Variants in RALYL observed in about 807,000 individuals in gnomAD.
The protein encoded by RALYL is RALY RNA binding protein like.
Under a neutral mutation model 35.1 loss-of-function variants are expected in RALYL, and 29 were observed. That is an observed-to-expected ratio of 0.83 (90% CI 0.61 to 1.13). The LOEUF (loss-of-function observed/expected upper bound fraction) is 1.13. Among genes scored for constraint, RALYL ranks in the 50% most tolerant of loss-of-function variants. The pLI is 0.00. For missense variants in RALYL, 359 were observed against 360.4 expected (o/e 1.00, Z 0.03); for synonymous variants, 120 against 127.6 (o/e 0.94, Z 0.40).
At chr8:84,217,854 T>C (rs1821197879) in intron 1 of RALYL, among the ~76,000 whole-genome samples, 1 of 152,144 alleles carries the variant, frequency 6.6e-6, no homozygotes, top group African/African-American at 2.4e-5. Context: ...CTAGTTCTCC[T>C]CATTGACCCA....
chr8:84,599,329 T>G (rs1352333612), intron 2 of RALYL, among the ~76,000 whole-genome samples: 1 of 152,010 alleles, frequency 6.6e-6, no homozygotes, highest in Non-Finnish European at 1.5e-5. Context: ...ATAGTTAAAT[T>G]TAGCATTAAT....
intron 2 of RALYL, among the ~76,000 whole-genome samples, chr8:84,553,667 A>T (rs1265823184): frequency 6.6e-6 from 1 of 152,164 alleles, no homozygotes; most frequent in Non-Finnish European, 1.5e-5. Context: ...ATATCTATTA[A>T]ATTATTTTGT....
chr8:84,731,543 T>C (rs1447067138), intron 2 of RALYL, among the ~76,000 whole-genome samples: 1 of 152,154 alleles, frequency 6.6e-6, no homozygotes, highest in Non-Finnish European at 1.5e-5. Context: ...TCTTAAATTG[T>C]TCTATAATCC....
At chr8:84,388,153 C>G (rs1271609236) in intron 1 of RALYL, among the ~76,000 whole-genome samples, 1 of 152,028 alleles carries the variant, frequency 6.6e-6, no homozygotes, top group African/African-American at 2.4e-5. Context: ...TCATCCATGT[C>G]CCTACAAAGG....
intron 3 of RALYL, among the ~76,000 whole-genome samples, chr8:84,790,453 C>G (rs1820512372): frequency 6.6e-6 from 1 of 152,154 alleles, no homozygotes; most frequent in Non-Finnish European, 1.5e-5. Flanking sequence ...CTTCTATGAA[C>G]AGAGTTTGCC....
chr8:84,590,665 C>G (rs572995393), intron 2 of RALYL, among the ~76,000 whole-genome samples: 2 of 152,276 alleles, frequency 1.3e-5, no homozygotes, highest in African/African-American at 4.8e-5. Flanking sequence ...ATGTTAACAA[C>G]CAGAGCTATC....
At chr8:84,252,441 G>A (rs1830375105) in intron 1 of RALYL, among the ~76,000 whole-genome samples, 1 of 152,082 alleles carries the variant, frequency 6.6e-6, no homozygotes, top group Non-Finnish European at 1.5e-5. Context: ...CACGGTACAA[G>A]CTGGAAATGT....
At chr8:84,646,575 T>C (rs761419039) in intron 2 of RALYL, among the ~76,000 whole-genome samples, 12 of 152,084 alleles carry the variant, frequency 7.9e-5, no homozygotes, top group Non-Finnish European at 1.6e-4. Flanking sequence ...GTGGATGTGG[T>C]CTGATTTTTT....
intron 1 of RALYL, among the ~76,000 whole-genome samples, chr8:84,236,504 C>T (rs1270867244): frequency 1.3e-5 from 2 of 152,082 alleles, no homozygotes; most frequent in Non-Finnish European, 2.9e-5. Context: ...ATATGATAGG[C>T]ACCTTTTTTA....
At chr8:84,390,679 A>G (rs144298411) in intron 1 of RALYL, among the ~76,000 whole-genome samples, 4,292 of 151,990 alleles carry the variant, frequency 0.028, 194 homozygotes, top group African/African-American at 0.097. Context: ...CTGTGGGATC[A>G]GTGGTGATAT....
chr8:84,428,778 A>T (rs1046247460), intron 1 of RALYL, among the ~76,000 whole-genome samples: 10 of 152,126 alleles, frequency 6.6e-5, no homozygotes, highest in African/African-American at 2.4e-4. Context: ...TGTATAGTAT[A>T]ATTACCATGG....
intron 1 of RALYL, among the ~76,000 whole-genome samples, chr8:84,288,562 CT>C (rs1286720564): frequency 6.6e-6 from 1 of 152,016 alleles, no homozygotes; most frequent in Admixed American, 6.6e-5. Context: ...TTAGTTGCAT[CT>C]TTTTTCTGCA....
At chr8:84,431,795 T>C (rs1336611787) in intron 1 of RALYL, among the ~76,000 whole-genome samples, 1 of 152,166 alleles carries the variant, frequency 6.6e-6, no homozygotes, top group African/African-American at 2.4e-5. Flanking sequence ...CATCCATTTA[T>C]GGACTTTTAA....
intron 1 of RALYL, among the ~76,000 whole-genome samples, chr8:84,439,775 C>G (rs2048138309): frequency 6.6e-6 from 1 of 151,904 alleles, no homozygotes; most frequent in Admixed American, 6.6e-5. Context: ...CTGTCAGATT[C>G]TTATGGTCAC....
chr8:84,342,553 A>C (rs1046407293), intron 1 of RALYL, among the ~76,000 whole-genome samples: 1 of 151,800 alleles, frequency 6.6e-6, no homozygotes, highest in Admixed American at 6.6e-5. Context: ...GTTTCTTTCC[A>C]AATGATGATG....
At chr8:84,605,509 G>T (rs1816914137) in intron 2 of RALYL, among the ~76,000 whole-genome samples, 1 of 152,068 alleles carries the variant, frequency 6.6e-6, no homozygotes, top group Non-Finnish European at 1.5e-5. Context: ...ATCAGCCGAT[G>T]ATTTGAGGAG....
At chr8:84,803,067 C>T (rs1444853161) in intron 3 of RALYL, among the ~76,000 whole-genome samples, 8 of 152,058 alleles carry the variant, frequency 5.3e-5, no homozygotes, top group Admixed American at 1.3e-4. Context: ...GCAAGGGGGA[C>T]GATGTAGTGT....
At chr8:84,316,026 A>G (rs887608054) in intron 1 of RALYL, among the ~76,000 whole-genome samples, 15 of 152,078 alleles carry the variant, frequency 9.9e-5, no homozygotes, top group Admixed American at 4.6e-4. Context: ...ACTTTGTAAA[A>G]TTATCTTTAC....
At chr8:84,366,320 C>T (rs1041988322) in intron 1 of RALYL, among the ~76,000 whole-genome samples, 9 of 152,028 alleles carry the variant, frequency 5.9e-5, no homozygotes, top group African/African-American at 2.2e-4. Context: ...TTTAAATGTG[C>T]AAAACAAAGA....
Sources: allele counts gnomAD v4.1 joint callset (sites outside exome capture counted in the v4.1 genomes callset), GRCh38; gene constraint gnomAD v4.1.1; transcripts MANE v1.5; gene names NCBI Gene and HGNC (gene_info 2026-07-23, HGNC 2026-07-21).